RALGAPA2: variants seen among roughly 807,000 people sequenced by gnomAD.
The protein encoded by RALGAPA2 is Ral GTPase activating protein catalytic subunit alpha 2.
Under a neutral mutation model 230.4 loss-of-function variants are expected in RALGAPA2, and 139 were observed. The observed-to-expected ratio is 0.60, with a 90% CI of 0.53 to 0.69. The LOEUF is 0.69. Among genes scored for constraint, RALGAPA2 ranks in the 30% least tolerant of loss-of-function variants. The pLI is 0.00. For synonymous variants in RALGAPA2, 847 were observed against 837.8 expected, an observed-to-expected ratio of 1.01 and a Z score of -0.19; for missense variants, 2,163 against 2,276.0, an observed-to-expected ratio of 0.95 and a Z score of 1.01.
intron 37 of RALGAPA2, among the ~76,000 whole-genome samples, chr20:20,470,608 A>G (rs1386150151): frequency 1.3e-5 from 2 of 152,206 alleles, no homozygotes; most frequent in African/African-American, 4.8e-5. Context: ...GGCTGGCTAT[A>G]TAACCTGAGG....
intron 37 of RALGAPA2, among the ~76,000 whole-genome samples, chr20:20,453,149 T>C (rs535569755): frequency 6.6e-6 from 1 of 152,352 alleles, no homozygotes; most frequent in East Asian, 1.9e-4. Flanking sequence ...CCTGATAGGA[T>C]TGCTTAATAA....
intron 37 of RALGAPA2, among the ~76,000 whole-genome samples, chr20:20,432,852 C>T (rs1216493780): frequency 6.6e-6 from 1 of 152,204 alleles, no homozygotes; most frequent in African/African-American, 2.4e-5. Context: ...TCCAACTCTG[C>T]AATTGTCCAC....
rs373754711 is a variant in RALGAPA2, at chr20:20,546,819, G to A, written c.3170C>T (p.Thr1057Met). 2.7e-5 allele frequency: 43 copies of A among 1,584,748 alleles called. No individual in the cohort carries two copies. The highest frequency in any genetic ancestry group is 3.2e-5 in the Non-Finnish European group (37 of 1,171,558). ...LTSEDQDILNTIIRHCPPRFF... is the reference protein window; with the variant it reads ...LTSEDQDILNMIIRHCPPRFF... ...GCGGGGTGGACAGTGCCTTATGATC[G>A]TATTTAAGATATCCTAAAAGGGAAG... The change falls in exon 24 of 40, where the codon ACG (threonine) becomes ATG (methionine). Residue 1057 changes from threonine to methionine, a missense_variant. Physicochemically the swap from Thr to Met is moderately conservative, Grantham distance 81 (BLOSUM62 -1). Transcript: ENST00000202677.
intron 37 of RALGAPA2, among the ~76,000 whole-genome samples, chr20:20,446,719 C>T (rs1364131595): frequency 6.6e-6 from 1 of 152,204 alleles, no homozygotes; most frequent in African/African-American, 2.4e-5. Flanking sequence ...GGTGGTTCTA[C>T]ATAAATGATA....
At position 20,661,105 on chromosome 20, in the gene RALGAPA2, G is replaced by A. The variant is rs2067760234; in HGVS notation, c.271-7518C>T. 3.9e-5 allele frequency among the ~76,000 whole-genome samples: 6 copies of A among 152,196 alleles called. No individual in the cohort carries two copies. In the South Asian group the frequency reaches 1.2e-3, roughly 32 times the overall value. On this transcript the variant is annotated intron_variant, in intron 3 of 39. Coordinates refer to ENST00000202677, the MANE Select transcript of RALGAPA2 (RefSeq NM_020343.4). ...AACTGCTTAAAATAGTTGAGAAGAAGTACAAAAGACATATGGAGTTAAAGT... is the reference window on the plus strand; with the variant it reads ...AACTGCTTAAAATAGTTGAGAAGAAATACAAAAGACATATGGAGTTAAAGT...
intron 37 of RALGAPA2, among the ~76,000 whole-genome samples, chr20:20,442,830 G>A (rs1381233177): frequency 1.3e-5 from 2 of 152,234 alleles, no homozygotes; most frequent in Non-Finnish European, 2.9e-5. Context: ...CTTTTACAGA[G>A]AAAAATTGTG....
At chr20:20,557,671 C>T (rs1402993285) in intron 23 of RALGAPA2, among the ~76,000 whole-genome samples, 1 of 152,110 alleles carries the variant, frequency 6.6e-6, no homozygotes, top group Admixed American at 6.5e-5. Flanking sequence ...CCCACCTGCA[C>T]CCTATGTTAC....
intron 37 of RALGAPA2, among the ~76,000 whole-genome samples, chr20:20,412,992 A>C (rs2060092106): frequency 6.6e-6 from 1 of 152,240 alleles, no homozygotes; most frequent in Non-Finnish European, 1.5e-5. Context: ...GGATAACGTC[A>C]GAACAATCCC....
At chr20:20,455,671 C>A (rs2061098600) in intron 37 of RALGAPA2, among the ~76,000 whole-genome samples, 1 of 152,130 alleles carries the variant, frequency 6.6e-6, no homozygotes, top group Admixed American at 6.5e-5. Flanking sequence ...TTCACCAGAG[C>A]CATCAGGCCG....
chr20:20,616,836 T>C (rs1014543833), intron 12 of RALGAPA2, among the ~76,000 whole-genome samples: 5 of 152,140 alleles, frequency 3.3e-5, no homozygotes, highest in African/African-American at 1.2e-4. Context: ...ATTCTTAAGA[T>C]TAAAAGCTGA....
chr20:20,580,937 G>A (rs1281796660), intron 20 of RALGAPA2, among the ~76,000 whole-genome samples: 2 of 152,122 alleles, frequency 1.3e-5, no homozygotes, highest in Non-Finnish European at 2.9e-5. Context: ...CTAAAAATCA[G>A]GCTCATATGA....
intron 27 of RALGAPA2, among the ~76,000 whole-genome samples, chr20:20,528,881 G>A (rs1340721108): frequency 6.6e-6 from 1 of 152,198 alleles, no homozygotes; most frequent in Non-Finnish European, 1.5e-5. Flanking sequence ...TGGGGGTGGG[G>A]CCAAGGCCCC....
At chr20:20,567,849 A>C (rs2064487525) in intron 23 of RALGAPA2, among the ~76,000 whole-genome samples, 1 of 140,318 alleles carries the variant, frequency 7.1e-6, no homozygotes, top group South Asian at 2.2e-4. Flanking sequence ...CTCTAAAAAA[A>C]AAAGCAATAA....
At chr20:20,524,668 GTAAA>G (rs552419045) in intron 29 of RALGAPA2, 125 bp from the exon 30 acceptor site, 130 of 1,332,584 alleles carry the variant, frequency 9.8e-5, no homozygotes, top group Non-Finnish European at 1.1e-4. Context: ...AAGTAGGTAA[GTAAA>G]TAAATAAATA....
At chr20:20,424,394 A>G (rs2060339113) in intron 37 of RALGAPA2, among the ~76,000 whole-genome samples, 1 of 152,228 alleles carries the variant, frequency 6.6e-6, no homozygotes, top group African/African-American at 2.4e-5. Context: ...AAAAGATTCA[A>G]CAGGCTACTT....
chr20:20,703,757 A>G (rs2069488795), intron 1 of RALGAPA2, among the ~76,000 whole-genome samples: 1 of 152,158 alleles, frequency 6.6e-6, no homozygotes, highest in Admixed American at 6.6e-5. Context: ...CAGCAGGGGG[A>G]TGTTCTCACA....
At chr20:20,496,478 T>A (rs896799848) in intron 35 of RALGAPA2, among the ~76,000 whole-genome samples, 31 of 152,212 alleles carry the variant, frequency 2.0e-4, no homozygotes, top group Admixed American at 6.5e-5. Flanking sequence ...CTCTGACATC[T>A]TCTGGGAATT....
chr20:20,706,906 C>A (rs960550578), intron 1 of RALGAPA2, among the ~76,000 whole-genome samples: 1 of 152,108 alleles, frequency 6.6e-6, no homozygotes, highest in Admixed American at 6.5e-5. Context: ...CTTCCTTTGT[C>A]ACAGTTGCAA....
intron 10 of RALGAPA2, among the ~76,000 whole-genome samples, chr20:20,626,572 A>C (rs2066495424): frequency 6.6e-6 from 1 of 152,246 alleles, no homozygotes; most frequent in Admixed American, 6.5e-5. Context: ...TAGGATGCCA[A>C]TAACAGATAC....
Sources: allele counts gnomAD v4.1 joint callset (sites outside exome capture counted in the v4.1 genomes callset), GRCh38; gene constraint gnomAD v4.1.1; transcripts MANE v1.5; gene names NCBI Gene and HGNC (gene_info 2026-07-23, HGNC 2026-07-21).